Variants in ABCB7 observed in about 807,000 individuals in gnomAD.
ABCB7 encodes the protein ATP binding cassette subfamily B member 7.
In ABCB7, 7 loss-of-function variants were observed where a neutral mutation model predicts 54.4. The observed-to-expected ratio is 0.13, with a 90% CI of 0.07 to 0.24. The LOEUF (loss-of-function observed/expected upper bound fraction) is 0.24. ABCB7 is among the 10% of genes least tolerant of loss of function. The pLI is 1.00. For synonymous variants in ABCB7, 218 were observed against 207.1 expected (o/e 1.05, Z -0.45); for missense variants, 356 against 570.4 (o/e 0.62, Z 3.83).
chrX:75,115,800 C>T (rs1274626529), intron 1 of ABCB7, among the ~76,000 whole-genome samples: 1 of 105,236 alleles, frequency 9.5e-6, no homozygotes, highest in African/African-American at 3.5e-5. Flanking sequence ...GGGGGGGGCA[C>T]GGGGCAGAAT....
At position 75,156,198 on chromosome X, in the gene ABCB7, C is replaced by A; in HGVS notation, c.75G>T (p.Ala25=). The change falls in exon 1 of 16, where the codon GCG becomes GCT. Residue 25 remains alanine (A), a synonymous_variant. Transcript: ENST00000373394. The part of the protein sequence containing the change: ...AAAFEKRRHS[A]ILIRPLVSVS... ...CAGAGACTAAAGGCCGGATCAGAAT[C>A]GCGGAGTGCCGGCGCTTTTCGAAAG... The A allele has an allele frequency of 8.3e-7, 1 of 1,204,924 alleles. No individual in the cohort carries two copies. Among genetic ancestry groups the A allele is most frequent in the Non-Finnish European group, 1.1e-6 (1 of 892,099 alleles).
At position 75,096,103 on chromosome X, in the gene ABCB7, A is replaced by C. The variant is rs189894451; in HGVS notation, c.453+2839T>G. Among the ~76,000 whole-genome samples the C allele has an allele frequency of 1.6e-4, 18 of 112,385 alleles. No homozygotes were observed. In the East Asian group the frequency reaches 5.0e-3, roughly 31 times the overall value. ...CAAAGTACTTGCATTCAACTAACAA[A>C]GGAGCATATGAGCTCAGAATCATAT... is the stretch of plus-strand genomic sequence containing the variant. On this transcript the variant is annotated intron_variant, in intron 4 of 15. Coordinates refer to ENST00000373394, the MANE Select transcript of ABCB7 (RefSeq NM_001271696.3).
chrX:75,120,048 T>C (rs1392888393), intron 1 of ABCB7, among the ~76,000 whole-genome samples: 2 of 111,896 alleles, frequency 1.8e-5, no homozygotes, highest in Non-Finnish European at 3.8e-5. Flanking sequence ...TCAAACAGAA[T>C]AGGAGTGAAT....
intron 1 of ABCB7, among the ~76,000 whole-genome samples, chrX:75,154,088 T>C (rs1165995904): frequency 9.0e-6 from 1 of 110,744 alleles, no homozygotes; most frequent in Non-Finnish European, 1.9e-5. Context: ...ATCATTCCTT[T>C]CTCACCCTGT....
chrX:75,125,312 A>G (rs2081915443), intron 1 of ABCB7, among the ~76,000 whole-genome samples: 2 of 111,723 alleles, frequency 1.8e-5, no homozygotes, highest in Non-Finnish European at 3.8e-5. Context: ...ACATTGATAT[A>G]ACACAAACCC....
intron 4 of ABCB7, among the ~76,000 whole-genome samples, chrX:75,095,655 C>A (rs1168595240): frequency 1.8e-5 from 2 of 112,156 alleles, no homozygotes; most frequent in Non-Finnish European, 3.8e-5. Flanking sequence ...CTAGCAGGCA[C>A]TCATCATAAC....
chrX:75,129,024 G>A (rs1324305667), intron 1 of ABCB7, among the ~76,000 whole-genome samples: 21 of 111,803 alleles, frequency 1.9e-4, no homozygotes, highest in Admixed American at 1.9e-4. Context: ...CAACCATTGT[G>A]GAAGATAGTG....
chrX:75,056,725 C>T lies in ABCB7; in HGVS notation c.2044-3140G>A, dbSNP rs2081243692. Reference sequence around the variant, plus strand: ...GACTGATAATACTATTCCAATATATCGCAAGGTTCTCCTCTTCCTTGCCAA... The same window carrying T: ...GACTGATAATACTATTCCAATATATTGCAAGGTTCTCCTCTTCCTTGCCAA... On this transcript the variant is annotated intron_variant, in intron 15 of 15. Coordinates refer to ENST00000373394, the MANE Select transcript of ABCB7 (RefSeq NM_001271696.3). 2.7e-5 allele frequency among the ~76,000 whole-genome samples: 3 copies of T among 110,972 alleles called. No homozygotes were observed. The Admixed American group carries it at 2.9e-4, about 11-fold the overall frequency.
intron 4 of ABCB7, among the ~76,000 whole-genome samples, chrX:75,077,173 C>T (rs1206154605): frequency 9.0e-6 from 1 of 111,636 alleles, no homozygotes; most frequent in African/African-American, 3.3e-5. Context: ...ACACAGCAAG[C>T]CAGATCACAA....
At chrX:75,104,047 G>GTTGTTTTTTTTTTTTTTTTTTTTTTT (rs2081663492) in intron 3 of ABCB7, among the ~76,000 whole-genome samples, 1 of 13,443 alleles carries the variant, frequency 7.4e-5, no homozygotes, top group Non-Finnish European at 1.7e-4. Context: ...TCTTGTTACA[G>GTTGTTTTTTTTTTTTTTTTTTTTTTT]TTTTTTTTTT....
chrX:75,156,231 C>A lies in ABCB7; in HGVS notation c.42G>T (p.Ala14=), dbSNP rs1371448177. 3 of 1,203,628 alleles carry A rather than the reference C, an allele frequency of 2.5e-6. No homozygotes were observed. The African/African-American group carries it at 5.3e-5, about 21-fold the overall frequency. ...LAMHSWRWAA[A]AAAFEKRRHS... ...GCCGGCGCTTTTCGAAAGCAGCCGC[C>A]GCGGCCGCCCAGCGCCAAGAATGCA... The change falls in exon 1 of 16, where the codon GCG becomes GCT. Residue 14 remains alanine (A), a synonymous_variant. Transcript: ENST00000373394.
At chrX:75,130,645 C>T (rs180697627) in intron 1 of ABCB7, among the ~76,000 whole-genome samples, 1 of 111,598 alleles carries the variant, frequency 9.0e-6, no homozygotes, top group Admixed American at 9.5e-5. Context: ...ACTCTTGGGG[C>T]TGAAGTGGCT....
intron 4 of ABCB7, among the ~76,000 whole-genome samples, chrX:75,083,470 A>T (rs775832957): frequency 8.9e-6 from 1 of 111,759 alleles, no homozygotes; most frequent in East Asian, 2.8e-4. Flanking sequence ...CATCCAATGG[A>T]AGACACGACC....
chrX:75,100,647 C>G (rs181058094), intron 3 of ABCB7, among the ~76,000 whole-genome samples: 2 of 111,414 alleles, frequency 1.8e-5, no homozygotes. Context: ...GCCTTATTCT[C>G]GCACAGTACA....
In ABCB7 at chrX:75,051,722, G is replaced by A. The variant is rs1448643497; in HGVS notation, c.*1648C>T. 1 of 112,191 alleles carries A rather than the reference G, an allele frequency of 8.9e-6. No homozygotes were observed. Among genetic ancestry groups the A allele is most frequent in the Non-Finnish European group, 1.9e-5 (1 of 53,216 alleles). The allele number at this position is 112,191 out of a possible 1,213,427, so 9.2% of individuals were successfully genotyped here. On this transcript the variant is annotated 3_prime_UTR_variant, in exon 16 of 16. Transcript: ENST00000373394. Reference sequence around the variant, plus strand: ...AAGATCTTTTAATAAATTCTGAAGTGTCAACACAGATTAGAGTCTTGATCA... The same window carrying A: ...AAGATCTTTTAATAAATTCTGAAGTATCAACACAGATTAGAGTCTTGATCA...
intron 4 of ABCB7, among the ~76,000 whole-genome samples, chrX:75,079,581 G>C (rs752107962): frequency 8.9e-6 from 1 of 111,904 alleles, no homozygotes; most frequent in East Asian, 2.8e-4. Flanking sequence ...CCTTCACCCA[G>C]CATCTCCTAA....
chrX:75,060,180 C>T, intron 15 of ABCB7, 43 bp downstream of exon 15: 1 of 1,026,731 alleles, frequency 9.7e-7, no homozygotes, highest in East Asian at 3.1e-5. Context: ...ATAACAATTT[C>T]CAGTGTTCCT....
rs750933304 is a variant in ABCB7 at position 75,062,394 on chromosome X, A to C, written c.1869T>G (p.Ile623Met). ...EKQRVAIARA[I>M]LKDPPVILYD... ...AGAGTATGACTGGGGGGTCCTTCAA[A>C]ATGGCTCTTGCAATTGCTACTCTTT... is the stretch of plus-strand genomic sequence containing the variant. Residue 623 changes from isoleucine (I) to methionine (M), a missense_variant, in exon 14 of 16, where the codon ATT becomes ATG. Ile to Met is a conservative substitution (Grantham distance 10). Around this residue, in one of 2 missense-constraint regions of ABCB7, gnomAD observed 241 missense variants for 470.9 expected, o/e 0.51. Transcript: ENST00000373394. The C allele has an allele frequency of 1.7e-6, 2 of 1,209,100 alleles. No individual in the cohort carries two copies. The highest frequency in any genetic ancestry group is 3.5e-5 in the African/African-American group (2 of 57,139).
chrX:75,058,212 C>CT (rs894907744), intron 15 of ABCB7, among the ~76,000 whole-genome samples: 4 of 111,005 alleles, frequency 3.6e-5, no homozygotes, highest in African/African-American at 6.5e-5. Flanking sequence ...AATCAACTTG[C>CT]TTTTTTTTAA....
Sources: allele counts gnomAD v4.1 joint callset (sites outside exome capture counted in the v4.1 genomes callset), GRCh38; gene constraint gnomAD v4.1.1; regional missense constraint gnomAD v4.1.1; transcripts MANE v1.5; gene names NCBI Gene and HGNC (gene_info 2026-07-23, HGNC 2026-07-21).